CDH20: variants seen among roughly 807,000 people sequenced by gnomAD.
CDH20 encodes the protein cadherin-20.
Under a neutral mutation model 74.2 loss-of-function variants are expected in CDH20, and 29 were observed. The ratio of observed to expected loss-of-function variants is 0.39; its 90% CI spans 0.29 to 0.53. CDH20 has a LOEUF of 0.53. CDH20 is among the 20% of genes least tolerant of loss of function. The pLI is 0.69. For missense variants in CDH20, 988 were observed against 1,048.3 expected (o/e 0.94, Z 0.79); for synonymous variants, 469 against 405.4 (o/e 1.16, Z -1.88).
At chr18:61,350,055 T>C (rs1910254660) in intron 1 of CDH20, among the ~76,000 whole-genome samples, 1 of 152,102 alleles carries the variant, frequency 6.6e-6, no homozygotes, top group Non-Finnish European at 1.5e-5. Flanking sequence ...AGTTGACTAA[T>C]CTGAAACTAG....
intron 6 of CDH20, among the ~76,000 whole-genome samples, chr18:61,514,385 C>T (rs1911904114): frequency 6.6e-6 from 1 of 152,128 alleles, no homozygotes; most frequent in Admixed American, 6.5e-5. Flanking sequence ...ATTGGTTATT[C>T]TAGTTATACA....
intron 1 of CDH20, among the ~76,000 whole-genome samples, chr18:61,454,724 C>T (rs1909513289): frequency 6.6e-6 from 1 of 152,096 alleles, no homozygotes; most frequent in South Asian, 2.1e-4. Context: ...AAGCCACCTC[C>T]AATCATCTTA....
At chr18:61,412,279 T>C (rs542511161) in intron 1 of CDH20, among the ~76,000 whole-genome samples, 2 of 152,332 alleles carry the variant, frequency 1.3e-5, no homozygotes, top group South Asian at 4.1e-4. Context: ...AAAAGTATTA[T>C]GGCAATATAA....
intron 1 of CDH20, among the ~76,000 whole-genome samples, chr18:61,466,551 G>A (rs764933370): frequency 2.9e-4 from 44 of 152,208 alleles, no homozygotes; most frequent in East Asian, 7.7e-4. Flanking sequence ...AAAGGTGTTC[G>A]AAACAATCTA....
intron 1 of CDH20, among the ~76,000 whole-genome samples, chr18:61,406,971 A>G (rs1006117637): frequency 3.9e-5 from 6 of 152,206 alleles, no homozygotes; most frequent in African/African-American, 1.4e-4. Context: ...CCATTAAGAG[A>G]TTCCAAAATT....
chr18:61,401,702 C>T (rs1912160115), intron 1 of CDH20, among the ~76,000 whole-genome samples: 1 of 152,188 alleles, frequency 6.6e-6, no homozygotes, highest in East Asian at 1.9e-4. Context: ...CAATTTCCTA[C>T]AAATGCCTTT....
chr18:61,418,471 A>G (rs1459137043), intron 1 of CDH20, among the ~76,000 whole-genome samples: 3 of 147,440 alleles, frequency 2.0e-5, no homozygotes, highest in African/African-American at 7.5e-5. Context: ...GGAGAATGGC[A>G]TGAACCCGGG....
At chr18:61,334,798 G>A (rs892379736) in intron 1 of CDH20, among the ~76,000 whole-genome samples, 1 of 152,138 alleles carries the variant, frequency 6.6e-6, no homozygotes, top group Non-Finnish European at 1.5e-5. Context: ...GGAGTTGGTC[G>A]CCTGGTAGAT....
Position 61,546,523 on chromosome 18 carries a change from A to G in CDH20, c.1648+1379A>G, listed in dbSNP as rs538780474. Among the ~76,000 whole-genome samples the G allele has an allele frequency of 1.0e-3, 155 of 152,354 alleles. 1 individual carries two copies. Among genetic ancestry groups the G allele is most frequent in the African/African-American group, 3.5e-3 (145 of 41,582 alleles). Reference sequence around the variant, plus strand: ...TTTGAACTATTCATTTATCTGCTTCATAGGGAAACTATTCCCGCAAAAAGT... The same window carrying G: ...TTTGAACTATTCATTTATCTGCTTCGTAGGGAAACTATTCCCGCAAAAAGT... On this transcript the variant is annotated intron_variant, in intron 10 of 11. Transcript: ENST00000262717.
chr18:61,515,029 C>T (rs1168842703), intron 6 of CDH20, among the ~76,000 whole-genome samples: 25 of 152,172 alleles, frequency 1.6e-4, no homozygotes, highest in African/African-American at 5.3e-4. Context: ...GGGCTCCACC[C>T]AGTTCGAGCT....
At chr18:61,378,303 CA>C (rs1911315377) in intron 1 of CDH20, among the ~76,000 whole-genome samples, 1 of 152,166 alleles carries the variant, frequency 6.6e-6, no homozygotes, top group Non-Finnish European at 1.5e-5. Flanking sequence ...TGAGAAGTCT[CA>C]AGATCTGCAG....
In CDH20 at chr18:61,510,292, G is replaced by C. The variant is rs570185739; in HGVS notation, c.1017+2732G>C. Among the ~76,000 whole-genome samples the C allele has an allele frequency of 2.5e-3, 384 of 152,272 alleles. 1 individual carries two copies. The highest frequency in any genetic ancestry group is 8.1e-3 in the African/African-American group (335 of 41,556). On this transcript the variant is annotated intron_variant, in intron 6 of 11. Transcript: ENST00000262717. ...AGGCAAGGAGACTGAGGGGCGACCAGGGAGGCAGGAGGATAATGGAGGAAG... is the reference window on the plus strand; with the variant it reads ...AGGCAAGGAGACTGAGGGGCGACCACGGAGGCAGGAGGATAATGGAGGAAG...
chr18:61,501,404 C>T (rs1911380266), intron 4 of CDH20, among the ~76,000 whole-genome samples: 1 of 151,956 alleles, frequency 6.6e-6, no homozygotes, highest in Admixed American at 6.6e-5. Flanking sequence ...TAAACATTGC[C>T]ATATTTGAGC....
chr18:61,481,851 C>T (rs932553448), intron 1 of CDH20, among the ~76,000 whole-genome samples: 26 of 152,160 alleles, frequency 1.7e-4, no homozygotes, highest in Middle Eastern at 3.4e-3. Context: ...ATGCCTGGCC[C>T]AACATTACTT....
intron 2 of CDH20, among the ~76,000 whole-genome samples, chr18:61,498,551 C>T (rs148781517): frequency 6.6e-6 from 1 of 152,120 alleles, no homozygotes; most frequent in South Asian, 2.1e-4. Context: ...AGACACACAC[C>T]GATGTAAAGA....
chr18:61,345,700 C>A (rs1213581610), intron 1 of CDH20, among the ~76,000 whole-genome samples: 1 of 152,144 alleles, frequency 6.6e-6, no homozygotes, highest in Non-Finnish European at 1.5e-5. Flanking sequence ...CAGGATACTT[C>A]ATGATGGGAA....
chr18:61,436,342 G>GT (rs148282745), intron 1 of CDH20, among the ~76,000 whole-genome samples: 4,890 of 152,258 alleles, frequency 0.032, 240 homozygotes, highest in African/African-American at 0.11. Context: ...CCACCATACT[G>GT]TTTTCAAAGC....
intron 6 of CDH20, among the ~76,000 whole-genome samples, chr18:61,508,405 A>G (rs2144332029): frequency 6.6e-6 from 1 of 152,316 alleles, no homozygotes; most frequent in Middle Eastern, 3.4e-3. Flanking sequence ...GAAGGTAATA[A>G]CTGATATGGG....
At chr18:61,423,677 G>A (rs933219815) in intron 1 of CDH20, among the ~76,000 whole-genome samples, 3 of 151,570 alleles carry the variant, frequency 2.0e-5, no homozygotes, top group African/African-American at 7.3e-5. Flanking sequence ...CCCCATTCCT[G>A]CTTCTCTCCA....
Sources: gnomAD v4.1 joint callset for allele counts (sites outside exome capture counted in the v4.1 genomes callset) on GRCh38, gnomAD v4.1.1 for gene constraint, MANE v1.5 for transcripts, NCBI Gene and HGNC (gene_info 2026-07-23, HGNC 2026-07-21) for gene names.